The following PTCH1 variants were observed in gnomAD, a reference collection of about 807,000 sequenced individuals.
PTCH1 encodes the protein patched 1.
Under a neutral mutation model 144.6 loss-of-function variants are expected in PTCH1, and 14 were observed. The ratio of observed to expected loss-of-function variants is 0.10; its 90% CI spans 0.06 to 0.15. The LOEUF (loss-of-function observed/expected upper bound fraction) is 0.15. PTCH1 is among the 10% of genes least tolerant of loss of function. The probability of loss-of-function intolerance (pLI) is 1.00; values close to 1 mark genes in which losing one functional copy is unlikely to be tolerated. For synonymous variants in PTCH1, 833 were observed against 793.6 expected (o/e 1.05, Z -0.83); for missense variants, 1,623 against 1,948.3 (o/e 0.83, Z 3.14).
At chr9:95,485,594 T>C in intron 3 of PTCH1, 91 bp downstream of exon 3, 1 of 1,504,510 alleles carries the variant, frequency 6.6e-7, no homozygotes, top group South Asian at 1.2e-5. Context: ...CCAGGGCAAC[T>C]TCATTTACTA....
intron 2 of PTCH1, among the ~76,000 whole-genome samples, chr9:95,494,560 C>T (rs922988923): frequency 2.0e-5 from 3 of 152,198 alleles, no homozygotes; most frequent in Non-Finnish European, 4.4e-5. Context: ...TCTACCACAA[C>T]CTCAGGTGCA....
intron 22 of PTCH1, among the ~76,000 whole-genome samples, chr9:95,448,097 A>G (rs911299104): frequency 7.2e-5 from 11 of 152,146 alleles, no homozygotes; most frequent in African/African-American, 2.7e-4. Flanking sequence ...CTGCGTCTCT[A>G]TACAAAGCAC....
In PTCH1 at chr9:95,508,213, A is replaced by G. The variant is rs1019888019; in HGVS notation, c.149T>C (p.Leu50Pro). The G allele has an allele frequency of 7.4e-6, 12 of 1,612,006 alleles. No individual in the cohort carries two copies. The highest frequency in any genetic ancestry group is 1.0e-5 in the Non-Finnish European group (12 of 1,179,706). Residue 50 changes from leucine to proline, a missense_variant, in exon 1 of 24, where the codon CTG (leucine) becomes CCG (proline). By Grantham distance (98) the Leu-to-Pro change is moderately conservative. Around this residue, in one of 7 missense-constraint regions of PTCH1, gnomAD observed 245 missense variants for 240.6 expected, o/e 1.02. Transcript: ENST00000331920. Reference sequence around the variant, plus strand: ...GGCGTCGCAGTAGCTGGGCCGGTGCAGATAGTCCCGGTCCGGCGCGGCAGC... The same window carrying G: ...GGCGTCGCAGTAGCTGGGCCGGTGCGGATAGTCCCGGTCCGGCGCGGCAGC... ...RRAAAPDRDY[L>P]HRPSYCDAAF... is the part of the protein sequence containing the mutation.
At chr9:95,461,516 G>A (rs1430019047) in intron 16 of PTCH1, among the ~76,000 whole-genome samples, 2 of 152,148 alleles carry the variant, frequency 1.3e-5, no homozygotes, top group Non-Finnish European at 2.9e-5. Context: ...ACAAGGTACC[G>A]AGTCCTAGAA....
intron 17 of PTCH1, 40 bp downstream of exon 17, chr9:95,459,560 C>T (rs1372637638): frequency 1.2e-6 from 2 of 1,610,488 alleles, no homozygotes; most frequent in Admixed American, 1.7e-5. Flanking sequence ...GGGAAGGCAC[C>T]TCTGTAAGTT....
intron 16 of PTCH1, chr9:95,460,056 C>G (rs540464552): frequency 2.1e-6 from 1 of 479,720 alleles, no homozygotes; most frequent in South Asian, 2.1e-5. Flanking sequence ...GCTAAAAGAC[C>G]GTCTGCAGCC....
intron 15 of PTCH1, among the ~76,000 whole-genome samples, chr9:95,463,279 C>G (rs1645866303): frequency 6.6e-6 from 1 of 151,856 alleles, no homozygotes; most frequent in African/African-American, 2.4e-5. Context: ...AGAAGCGAAA[C>G]CCTCCTTCTG....
chr9:95,474,013 T>G, intron 12 of PTCH1: 1 of 463,052 alleles, frequency 2.2e-6, no homozygotes, highest in Non-Finnish European at 4.3e-6. Context: ...GGTGCTTACC[T>G]TGGGAGAATT....
intron 2 of PTCH1, among the ~76,000 whole-genome samples, chr9:95,498,828 T>C (rs1280188297): frequency 6.6e-6 from 1 of 152,134 alleles, no homozygotes; most frequent in Non-Finnish European, 1.5e-5. Flanking sequence ...CAGGCAGAAG[T>C]GCCCTCACCA....
chr9:95,487,033 A>C (rs749134679), intron 2 of PTCH1, among the ~76,000 whole-genome samples: 6 of 152,254 alleles, frequency 3.9e-5, no homozygotes, highest in African/African-American at 7.2e-5. Context: ...TTTTTCTTCA[A>C]GTTTAGTATT....
chr9:95,472,430 G>A (rs983963594), intron 12 of PTCH1, among the ~76,000 whole-genome samples: 3 of 152,164 alleles, frequency 2.0e-5, no homozygotes, highest in Non-Finnish European at 4.4e-5. Flanking sequence ...ACACCTGACC[G>A]TGAGACAGCA....
chr9:95,477,258 T>C (rs1342572458), intron 10 of PTCH1, among the ~76,000 whole-genome samples: 2 of 152,162 alleles, frequency 1.3e-5, no homozygotes, highest in Non-Finnish European at 2.9e-5. Context: ...CTGCAAGCCA[T>C]GCAAATGCCC....
At chr9:95,511,901 A>G (rs898735189), upstream of PTCH1, among the ~76,000 whole-genome samples, 1 of 152,182 alleles carries the variant, frequency 6.6e-6, no homozygotes, top group Non-Finnish European at 1.5e-5. Context: ...AGCTTGCTGG[A>G]GGGCAAGGAA....
At chr9:95,500,960 C>T (rs961885613) in intron 2 of PTCH1, among the ~76,000 whole-genome samples, 3 of 152,142 alleles carry the variant, frequency 2.0e-5, no homozygotes, top group Non-Finnish European at 4.4e-5. Flanking sequence ...CGACCCATCA[C>T]GGTGTTTTTC....
In PTCH1 at chr9:95,476,005, C is replaced by T. The variant is rs2118246311; in HGVS notation, c.1728+29G>A. The stretch of plus-strand genomic sequence containing the variant: ...TGGAAGTCAGTGCCCCGTTCAGGAT[C>T]ACCACAGCCTTCATCACCAGAAGCT... On this transcript the variant is annotated intron_variant, in intron 12 of 23. Coordinates refer to ENST00000331920, the MANE Select transcript of PTCH1 (RefSeq NM_000264.5). The surrounding 1 kb of genome is among the most constrained non-coding windows in gnomAD (Gnocchi z 4.6). The T allele has an allele frequency of 1.9e-6, 3 of 1,612,682 alleles. No homozygotes were observed. Among genetic ancestry groups the T allele is most frequent in the Non-Finnish European group, 2.5e-6 (3 of 1,180,020 alleles).
In PTCH1 at chr9:95,509,163, G is replaced by A. The variant is rs997856015; in HGVS notation, c.-802C>T. On this transcript the variant is annotated 5_prime_UTR_variant, in exon 1 of 24. Transcript: ENST00000331920. The stretch of plus-strand genomic sequence containing the variant: ...ACTCCGCTCTGTGTGTGTGCAGCGG[G>A]CAGCGGCCGCAGCAGCTCCTTGATT... Among the ~76,000 whole-genome samples the A allele has an allele frequency of 1.1e-4, 17 of 151,890 alleles. No homozygotes were observed. Among genetic ancestry groups the A allele is most frequent in the African/African-American group, 4.8e-5 (2 of 41,340 alleles).
At chr9:95,500,858 G>A (rs966033991) in intron 2 of PTCH1, among the ~76,000 whole-genome samples, 6 of 152,180 alleles carry the variant, frequency 3.9e-5, no homozygotes, top group East Asian at 1.9e-4. Context: ...TGGGGTTGAG[G>A]TGCAACCAGT....
upstream of PTCH1, among the ~76,000 whole-genome samples, chr9:95,509,488 G>A (rs1844026085): frequency 6.6e-6 from 1 of 152,204 alleles, no homozygotes. Flanking sequence ...GCCTCTGAGA[G>A]CGCCAACCTT....
chr9:95,483,261 TCTC>T, intron 3 of PTCH1: 1 of 146,366 alleles, frequency 6.8e-6, no homozygotes, highest in South Asian at 2.1e-4. Flanking sequence ...AGACCCTATC[TCTC>T]AAAAAAAAAA....
Sources: gnomAD v4.1 joint callset for allele counts (sites outside exome capture counted in the v4.1 genomes callset) on GRCh38, gnomAD v4.1.1 for gene constraint, gnomAD v4.1.1 regional missense constraint, Gnocchi (gnomAD v3.1) non-coding constraint, MANE v1.5 for transcripts, NCBI Gene and HGNC (gene_info 2026-07-23, HGNC 2026-07-21) for gene names.